HDAC4: variants seen among roughly 807,000 people sequenced by gnomAD.
HDAC4 encodes histone deacetylase 4.
In HDAC4, 16 loss-of-function variants were observed where a neutral mutation model predicts 135.1. The observed-to-expected ratio is 0.12, with a 90% confidence interval of 0.08 to 0.18. The LOEUF is 0.18. Ranked by LOEUF, HDAC4 falls within the 10% of genes least tolerant of loss-of-function variation. The pLI, the probability that HDAC4 is intolerant of heterozygous loss-of-function variation, is 1.00. For synonymous variants in HDAC4, 685 were observed against 653.4 expected, an observed-to-expected ratio of 1.05 and a Z score of -0.74; for missense variants, 1,143 against 1,511.8, an observed-to-expected ratio of 0.76 and a Z score of 4.05.
intron 11 of HDAC4, among the ~76,000 whole-genome samples, chr2:239,127,742 C>T (rs1360972517): frequency 1.3e-5 from 2 of 152,240 alleles, no homozygotes; most frequent in Non-Finnish European, 2.9e-5. Context: ...GCTGTTCCTG[C>T]TGCCAGGCGG....
chr2:239,148,765 A>C (rs1223094127), intron 7 of HDAC4, among the ~76,000 whole-genome samples: 2 of 152,214 alleles, frequency 1.3e-5, no homozygotes, highest in Non-Finnish European at 2.9e-5. Context: ...CCGGGAGAGG[A>C]GGCGGGGGCC....
chr2:239,050,069 TG>T lies in HDAC4; in HGVS notation c.*3027del, dbSNP rs1009401267. The T allele has an allele frequency of 1.4e-3, 213 of 152,686 alleles. 4 individuals carry two copies. The highest frequency in any genetic ancestry group is 5.6e-4 in the Non-Finnish European group (38 of 68,080). 9.5% of individuals were successfully genotyped at this position (152,686 alleles called of 1,614,324 possible). On this transcript the variant is annotated 3_prime_UTR_variant, in exon 27 of 27. Coordinates refer to ENST00000543185, the MANE Select transcript of HDAC4 (RefSeq NM_001378414.1). ...CCTGCAGACGCCGAGGCAGATCCTC[TG>T]CCATCTGCCCTGGACGCTTGCTGTG...
intron 16 of HDAC4, among the ~76,000 whole-genome samples, chr2:239,101,979 C>T (rs1409443414): frequency 6.7e-6 from 1 of 150,214 alleles, no homozygotes. Flanking sequence ...GTCCTGGGAG[C>T]CCCCAGCCCT....
chr2:239,346,554 T>TTC (rs1311050895), intron 2 of HDAC4, among the ~76,000 whole-genome samples: 4 of 63,018 alleles, frequency 6.3e-5, no homozygotes, highest in African/African-American at 1.4e-4. Context: ...CAAACACACC[T>TTC]TCACACACAC....
intron 1 of HDAC4, among the ~76,000 whole-genome samples, chr2:239,390,555 A>G (rs1696128894): frequency 6.6e-6 from 1 of 152,068 alleles, no homozygotes; most frequent in South Asian, 2.1e-4. Context: ...CTCTGTCTCA[A>G]AAGATATATA....
chr2:239,275,153 G>A (rs1397603681), intron 2 of HDAC4, among the ~76,000 whole-genome samples: 1 of 149,780 alleles, frequency 6.7e-6, no homozygotes, highest in Admixed American at 6.6e-5. Flanking sequence ...GGAAGAAAGG[G>A]TGGGGGCCGG....
chr2:239,321,563 A>G (rs1318374161), intron 2 of HDAC4, among the ~76,000 whole-genome samples: 2 of 151,638 alleles, frequency 1.3e-5, no homozygotes, highest in East Asian at 3.9e-4. Flanking sequence ...TTGGAAAAAT[A>G]TTACATTATC....
At chr2:239,384,383 G>A (rs1054822757) in intron 1 of HDAC4, among the ~76,000 whole-genome samples, 3 of 151,566 alleles carry the variant, frequency 2.0e-5, no homozygotes, top group African/African-American at 7.3e-5. Context: ...GGTGGCCTAG[G>A]TGGGAGGATC....
In HDAC4 at chr2:239,094,790, C is replaced by A. The variant is rs1035813484; in HGVS notation, c.2280+220G>T. 9 of 1,413,040 alleles carry A rather than the reference C, an allele frequency of 6.4e-6. No individual in the cohort carries two copies. In the African/African-American group the frequency reaches 1.0e-4, roughly 16 times the overall value. 87.5% of individuals were successfully genotyped at this position (1,413,040 alleles called of 1,614,324 possible). On this transcript the variant is annotated intron_variant, in intron 17 of 26. Coordinates refer to ENST00000543185, the MANE Select transcript of HDAC4 (RefSeq NM_001378414.1). The stretch of plus-strand genomic sequence containing the variant: ...GAGCCACTGCACCCCAGAGCCCCAG[C>A]CACCTGCGCCAGACAACCTTCCCCA...
At chr2:239,132,379 A>G (rs2040651633) in intron 11 of HDAC4, among the ~76,000 whole-genome samples, 1 of 152,238 alleles carries the variant, frequency 6.6e-6, no homozygotes, top group Non-Finnish European at 1.5e-5. Context: ...GGGGGTTTGC[A>G]GGATGAGCTG....
At chr2:239,073,919 G>A (rs1473130839) in intron 22 of HDAC4, among the ~76,000 whole-genome samples, 2 of 151,874 alleles carry the variant, frequency 1.3e-5, no homozygotes, top group Non-Finnish European at 2.9e-5. Flanking sequence ...CCGACATTCC[G>A]AGGCTTCCTC....
rs1229180112 is a variant in HDAC4 at position 239,051,964 on chromosome 2, ATATT to A, written c.*1129_*1132del. On this transcript the variant is annotated 3_prime_UTR_variant, in exon 27 of 27. Transcript: ENST00000543185. ...ATTGGAATATATATTATACATATATATATTTATTTATACCTAAAATTTAAGCAAT... is the reference window on the plus strand; with the variant it reads ...ATTGGAATATATATTATACATATATATATTTATACCTAAAATTTAAGCAAT... 3.3e-5 allele frequency: 5 copies of A among 151,832 alleles called. No individual in the cohort carries two copies. The highest frequency in any genetic ancestry group is 5.9e-5 in the Non-Finnish European group (4 of 67,980). 9.4% of individuals were successfully genotyped at this position (151,832 alleles called of 1,614,324 possible). A position where few individuals can be genotyped will look rare whatever the true frequency, so the allele number is the denominator to read the frequency against.
chr2:239,346,960 AACAC>A (rs972370571), intron 2 of HDAC4, among the ~76,000 whole-genome samples: 2 of 83,826 alleles, frequency 2.4e-5, no homozygotes, highest in Non-Finnish European at 6.5e-5. Context: ...TTGTGTCTAA[AACAC>A]ACACACGCAC....
chr2:239,182,811 A>G (rs1249799509), intron 4 of HDAC4, among the ~76,000 whole-genome samples: 2 of 152,160 alleles, frequency 1.3e-5, no homozygotes, highest in Non-Finnish European at 2.9e-5. Flanking sequence ...TGGAACCACA[A>G]GGGAAGATGG....
intron 2 of HDAC4, among the ~76,000 whole-genome samples, chr2:239,251,126 C>A (rs557995170): frequency 6.6e-6 from 1 of 152,282 alleles, no homozygotes; most frequent in Admixed American, 6.5e-5. Context: ...CAACTTTAAA[C>A]GATTTCAAGA....
At chr2:239,321,773 A>C (rs2053323043) in intron 2 of HDAC4, among the ~76,000 whole-genome samples, 1 of 152,192 alleles carries the variant, frequency 6.6e-6, no homozygotes, top group African/African-American at 2.4e-5. Flanking sequence ...AGCACAGAAC[A>C]TCACAGCTCC....
chr2:239,204,700 C>A (rs1187699744), intron 3 of HDAC4, among the ~76,000 whole-genome samples: 1 of 152,188 alleles, frequency 6.6e-6, no homozygotes, highest in Non-Finnish European at 1.5e-5. Context: ...TCTGCCGCTT[C>A]TCGCCCTTCA....
intron 8 of HDAC4, among the ~76,000 whole-genome samples, chr2:239,142,964 T>C (rs898497113): frequency 6.6e-6 from 1 of 151,118 alleles, no homozygotes; most frequent in Non-Finnish European, 1.5e-5. Context: ...CTGTGACGCA[T>C]GGCTCCTGGG....
In HDAC4 at chr2:239,139,934, A is replaced by G. The variant is rs958231387; in HGVS notation, c.866-138T>C. On this transcript the variant is annotated intron_variant, in intron 8 of 26. Transcript: ENST00000543185. This position sits in a 1 kb window ranked among gnomAD's most constrained non-coding sequence, Gnocchi z 5.3. ...AGGCAGAAGTCCCAACAAAAAGAAC[A>G]TGGCCATGGTTTCAAAAAAGAAAGT... is the stretch of plus-strand genomic sequence containing the variant. 7.7e-6 allele frequency: 5 copies of G among 651,020 alleles called. No individual in the cohort carries two copies. Among genetic ancestry groups the G allele is most frequent in the African/African-American group, 3.6e-5 (2 of 55,088 alleles). The allele number at this position is 651,020 out of a possible 1,614,324, so 40.3% of individuals were successfully genotyped here.
Sources: gnomAD v4.1 joint callset for allele counts (sites outside exome capture counted in the v4.1 genomes callset) on GRCh38, gnomAD v4.1.1 for gene constraint, Gnocchi (gnomAD v3.1) non-coding constraint, MANE v1.5 for transcripts, NCBI Gene and HGNC (gene_info 2026-07-23, HGNC 2026-07-21) for gene names.